ZFP14: variants seen among roughly 807,000 people sequenced by gnomAD.
The protein encoded by ZFP14 is ZFP14 zinc finger protein, also known as zinc finger protein 14 homolog.
ZFP14 carries 22 observed loss-of-function variants against 54.5 expected under a neutral mutation model. The observed-to-expected ratio is 0.40, with a 90% confidence interval of 0.29 to 0.58. The LOEUF is 0.58. Ranked by LOEUF, ZFP14 falls within the 20% of genes least tolerant of loss-of-function variation. The pLI is 0.39. For synonymous variants in ZFP14, 159 were observed against 204.0 expected, an observed-to-expected ratio of 0.78 and a Z score of 1.88; for missense variants, 470 against 637.8, an observed-to-expected ratio of 0.74 and a Z score of 2.83.
intron 4 of ZFP14, among the ~76,000 whole-genome samples, chr19:36,342,157 G>C (rs1483229960): frequency 3.4e-5 from 5 of 145,610 alleles, no homozygotes; most frequent in East Asian, 2.1e-4. Flanking sequence ...GCCCGGCGAG[G>C]ACCACTTCAT....
chr19:36,375,354 T>C (rs181656118), intron 1 of ZFP14, among the ~76,000 whole-genome samples: 11 of 152,022 alleles, frequency 7.2e-5, no homozygotes, highest in Admixed American at 3.9e-4. Flanking sequence ...CTTCCCTTCA[T>C]CGTGAGATTG....
At chr19:36,378,222 A>G (rs1163973527) in intron 1 of ZFP14, 1 of 152,240 alleles carries the variant, frequency 6.6e-6, no homozygotes, top group Non-Finnish European at 1.5e-5. Context: ...AGAGGCAGGG[A>G]TTAATGAGAT....
rs947963514 is a variant in ZFP14, at chr19:36,337,390, G to T, written c.*2834C>A. On this transcript the variant is annotated 3_prime_UTR_variant, in exon 5 of 5. Transcript: ENST00000270001. ...GTGCAGATTCAACCAATCTCAAATA[G>T]AAAATACTCAAAAAAAAACAATAAA... 1 of 148,148 alleles carries T rather than the reference G, an allele frequency of 6.8e-6. No individual in the cohort carries two copies. The highest frequency in any genetic ancestry group is 2.5e-5 in the African/African-American group (1 of 40,140). The allele number at this position is 148,148 out of a possible 1,614,324, so 9.2% of individuals were successfully genotyped here.
At chr19:36,376,507 C>G (rs993106403) in intron 1 of ZFP14, among the ~76,000 whole-genome samples, 1 of 151,322 alleles carries the variant, frequency 6.6e-6, no homozygotes, top group Non-Finnish European at 1.5e-5. Flanking sequence ...ATCGTGCCAC[C>G]GCACTCCAGC....
chr19:36,372,197 G>GT (rs2031890567), intron 1 of ZFP14, among the ~76,000 whole-genome samples: 1 of 151,928 alleles, frequency 6.6e-6, no homozygotes, highest in Non-Finnish European at 1.5e-5. Context: ...CTGGGGAAAG[G>GT]TAAGTATCCA....
At chr19:36,349,981 G>A (rs2031497625) in intron 4 of ZFP14, among the ~76,000 whole-genome samples, 20 of 140,440 alleles carry the variant, frequency 1.4e-4, no homozygotes, top group Admixed American at 4.5e-4. Flanking sequence ...CCAGCATGGT[G>A]AAACCCTGTC....
At chr19:36,345,111 A>T (rs540258053) in intron 4 of ZFP14, among the ~76,000 whole-genome samples, 218 of 152,228 alleles carry the variant, frequency 1.4e-3, no homozygotes, top group African/African-American at 5.1e-3. Flanking sequence ...TAAAAATACA[A>T]AATTAGCTGA....
intron 1 of ZFP14, among the ~76,000 whole-genome samples, chr19:36,370,387 C>T (rs1277817798): frequency 6.6e-6 from 1 of 152,220 alleles, no homozygotes; most frequent in Admixed American, 6.5e-5. Flanking sequence ...GGCCAGTAGC[C>T]ACAGACTGAC....
intron 4 of ZFP14, among the ~76,000 whole-genome samples, chr19:36,356,889 T>C (rs2031623208): frequency 6.6e-6 from 1 of 152,088 alleles, no homozygotes; most frequent in Non-Finnish European, 1.5e-5. Flanking sequence ...ACTTATCATT[T>C]AGCACTGAGC....
chr19:36,359,741 G>A (rs890779180), intron 4 of ZFP14, among the ~76,000 whole-genome samples: 7 of 151,894 alleles, frequency 4.6e-5, no homozygotes, highest in African/African-American at 1.2e-4. Context: ...TGCAACCTCC[G>A]CCTCCCGGGT....
At position 36,337,899 on chromosome 19, in the gene ZFP14, C is replaced by G. The variant is rs534516087; in HGVS notation, c.*2325G>C. The stretch of plus-strand genomic sequence containing the variant: ...TAGTACCCATTGAAGATCATGTTTT[C>G]TGGACCCATTATTCCATTAAGGTCT... On this transcript the variant is annotated 3_prime_UTR_variant, in exon 5 of 5. Coordinates refer to ENST00000270001, the MANE Select transcript of ZFP14 (RefSeq NM_020917.3). 1 of 152,312 alleles carries G rather than the reference C, an allele frequency of 6.6e-6. No individual in the cohort carries two copies. Among genetic ancestry groups the G allele is most frequent in the Admixed American group, 6.5e-5 (1 of 15,300 alleles). 9.4% of individuals were successfully genotyped at this position (152,312 alleles called of 1,614,324 possible).
rs1356016610 is a variant in ZFP14, at chr19:36,370,929, T to C, written c.-79-2958A>G. 3.3e-5 allele frequency among the ~76,000 whole-genome samples: 5 copies of C among 152,190 alleles called. No homozygotes were observed. In the East Asian group the frequency reaches 7.7e-4, roughly 23 times the overall value. On this transcript the variant is annotated intron_variant, in intron 1 of 4. Transcript: ENST00000270001. ...ATAGGACAACATAAAGTGCCAGTGA[T>C]TGACTCTAAAGAAATGGAGATGTCT...
chr19:36,341,189 C>G lies in ZFP14; in HGVS notation c.637G>C (p.Ala213Pro). Residue 213 changes from alanine to proline, a missense_variant, in exon 5 of 5, where the codon GCA becomes CCA. Ala to Pro is a conservative substitution (Grantham distance 27). Coordinates refer to ENST00000270001, the MANE Select transcript of ZFP14 (RefSeq NM_020917.3). The surrounding 1 kb of genome is among the most constrained non-coding windows in gnomAD (Gnocchi z 4.2). ...AGTTTGTGATGTCGAATAAGATGTG[C>G]ACGCTGTCTAAAGGCCTGCCCACAT... is the stretch of plus-strand genomic sequence containing the variant. ...KECGQAFRQR[A>P]HLIRHHKLHT... The G allele has an allele frequency of 6.2e-7, 1 of 1,614,024 alleles. No homozygotes were observed. The highest frequency in any genetic ancestry group is 8.5e-7 in the Non-Finnish European group (1 of 1,180,002).
Position 36,341,709 on chromosome 19 carries a change from T to G in ZFP14, c.236-119A>C, listed in dbSNP as rs545275638. 3.6e-5 allele frequency: 34 copies of G among 939,654 alleles called. No homozygotes were observed. In the African/African-American group the frequency reaches 4.7e-4, roughly 13 times the overall value. 58.2% of individuals were successfully genotyped at this position (939,654 alleles called of 1,614,324 possible). ...ACCTAAAATAATGCCTGTTACAAAT[T>G]GAATGGATTAGACAGATCTCAAACA... On this transcript the variant is annotated intron_variant, in intron 4 of 4. Transcript: ENST00000270001. This position sits in a 1 kb window ranked among gnomAD's most constrained non-coding sequence, Gnocchi z 4.2.
chr19:36,362,207 T>C lies in ZFP14; in HGVS notation c.41A>G (p.Asp14Gly). 1 of 1,611,988 alleles carries C rather than the reference T, an allele frequency of 6.2e-7. No individual in the cohort carries two copies. The highest frequency in any genetic ancestry group is 8.5e-7 in the Non-Finnish European group (1 of 1,179,184). The change falls in exon 3 of 5, where the codon GAC (aspartate) becomes GGC (glycine). Residue 14 changes from aspartate to glycine, a missense_variant. By Grantham distance (94) the Asp-to-Gly change is moderately conservative. Coordinates refer to ENST00000270001, the MANE Select transcript of ZFP14 (RefSeq NM_020917.3). The stretch of plus-strand genomic sequence containing the variant: ...GAATTCCCATTCTTCCTGTGAGAAG[T>C]CTATGGCCACATCCCTGAATGTCAC... ...GSVTFRDVAI[D>G]FSQEEWEFLD...
rs1404114354 is a variant in ZFP14 at position 36,335,184 on chromosome 19, GT to G, written c.*5039del. On this transcript the variant is annotated 3_prime_UTR_variant, in exon 5 of 5. Coordinates refer to ENST00000270001, the MANE Select transcript of ZFP14 (RefSeq NM_020917.3). ...CCACCGTGCCTGGCCAAAAGTAGAT[GT>G]TTTATGTTTTGCTTCATTTGCCTAT... 1 of 152,138 alleles carries G rather than the reference GT, an allele frequency of 6.6e-6. No individual in the cohort carries two copies. The highest frequency in any genetic ancestry group is 1.9e-4 in the East Asian group (1 of 5,198). The allele number at this position is 152,138 out of a possible 1,614,324, so 9.4% of individuals were successfully genotyped here. A position where few individuals can be genotyped will look rare whatever the true frequency, so the allele number is the denominator to read the frequency against.
intron 3 of ZFP14, among the ~76,000 whole-genome samples, chr19:36,360,822 T>G (rs2031698142): frequency 6.6e-6 from 1 of 152,198 alleles, no homozygotes; most frequent in South Asian, 2.1e-4. Context: ...GGCAGTATTG[T>G]GTAGAGGGAA....
intron 2 of ZFP14, among the ~76,000 whole-genome samples, chr19:36,364,360 G>C (rs748194102): frequency 1.3e-5 from 2 of 152,198 alleles, no homozygotes; most frequent in Admixed American, 1.3e-4. Flanking sequence ...AGGCTTTACA[G>C]TAATAACAAG....
At chr19:36,363,117 C>T (rs1239584251) in intron 2 of ZFP14, among the ~76,000 whole-genome samples, 1 of 151,372 alleles carries the variant, frequency 6.6e-6, no homozygotes, top group African/African-American at 2.4e-5. Flanking sequence ...TCCTGAGTTA[C>T]AGGACACTGA....
Sources: allele counts gnomAD v4.1 joint callset (sites outside exome capture counted in the v4.1 genomes callset), GRCh38; gene constraint gnomAD v4.1.1; non-coding constraint Gnocchi (gnomAD v3.1); transcripts MANE v1.5; gene names NCBI Gene and HGNC (gene_info 2026-07-23, HGNC 2026-07-21).